Variants in SRGAP3 observed in about 807,000 individuals in gnomAD.
The protein encoded by SRGAP3 is SLIT-ROBO Rho GTPase activating protein 3.
Under a neutral mutation model 121.1 loss-of-function variants are expected in SRGAP3, and 39 were observed. The observed-to-expected ratio is 0.32, with a 90% CI of 0.25 to 0.42. SRGAP3 has a LOEUF of 0.42. Ranked by LOEUF, SRGAP3 falls within the 10% of genes least tolerant of loss-of-function variation. SRGAP3 has a pLI of 1.00. For missense variants in SRGAP3, 1,213 were observed against 1,470.6 expected (o/e 0.82, Z 2.86); for synonymous variants, 601 against 570.0 (o/e 1.05, Z -0.77).
intron 1 of SRGAP3, among the ~76,000 whole-genome samples, chr3:9,246,861 T>C (rs2137216): frequency 0.11 from 16,034 of 152,218 alleles, 947 homozygotes; most frequent in East Asian, 0.21. Flanking sequence ...ACAAGATCAT[T>C]TGGACACATT....
At chr3:9,023,847 G>A (rs1450275882) in intron 14 of SRGAP3, among the ~76,000 whole-genome samples, 1 of 152,142 alleles carries the variant, frequency 6.6e-6, no homozygotes, top group Admixed American at 6.5e-5. Flanking sequence ...CTAGACCCCA[G>A]AAGGCCACTG....
At chr3:9,173,207 T>C (rs370163073) in intron 1 of SRGAP3, among the ~76,000 whole-genome samples, 34 of 152,318 alleles carry the variant, frequency 2.2e-4, no homozygotes, top group African/African-American at 8.2e-4. Flanking sequence ...GCAGGCCGAA[T>C]GGAGCAGCAC....
chr3:9,190,548 G>C (rs1171302379), intron 1 of SRGAP3, among the ~76,000 whole-genome samples: 2 of 152,178 alleles, frequency 1.3e-5, no homozygotes, highest in African/African-American at 4.8e-5. Context: ...AGAAGAGAAA[G>C]AGGCGCCCAT....
At chr3:9,170,473 A>AC (rs1423188837) in intron 1 of SRGAP3, among the ~76,000 whole-genome samples, 2 of 152,016 alleles carry the variant, frequency 1.3e-5, no homozygotes, top group Non-Finnish European at 2.9e-5. Context: ...TGTGACTCAC[A>AC]CTCTCACACA....
intron 1 of SRGAP3, among the ~76,000 whole-genome samples, chr3:9,152,059 C>T (rs965613129): frequency 2.0e-5 from 3 of 152,206 alleles, no homozygotes; most frequent in Non-Finnish European, 2.9e-5. Flanking sequence ...CACAGCTGGG[C>T]CTCCCTGAGT....
chr3:9,007,829 T>C (rs1943157050), intron 18 of SRGAP3: 1 of 152,208 alleles, frequency 6.6e-6, no homozygotes, highest in Non-Finnish European at 1.5e-5. Context: ...AGGTCTCTTT[T>C]TTCTGAGCAC....
intron 18 of SRGAP3, among the ~76,000 whole-genome samples, 178 bp downstream of exon 18, chr3:9,010,130 G>A (rs942452469): frequency 2.0e-5 from 3 of 152,238 alleles, no homozygotes; most frequent in Non-Finnish European, 4.4e-5. Flanking sequence ...TCAGGCCCAT[G>A]CCAGGACTTG....
At chr3:9,170,656 T>G (rs1227963271) in intron 1 of SRGAP3, among the ~76,000 whole-genome samples, 7 of 152,180 alleles carry the variant, frequency 4.6e-5, no homozygotes, top group Non-Finnish European at 1.0e-4. Context: ...TGCAAAATAC[T>G]CCCAGCATAC....
At position 9,331,616 on chromosome 3, in the gene SRGAP3, G is replaced by A. The variant is rs559740276; in HGVS notation, n.215-1020C>T. ...GGTTTTGGAGCTCCTTCTTTCAAGA[G>A]GTATATTCCCCATTCCTCAAATCTG... On this transcript the variant is annotated intron_variant and non_coding_transcript_variant, in intron 1 of 3. Transcript: ENST00000490889. 1.1e-3 allele frequency among the ~76,000 whole-genome samples: 167 copies of A among 152,302 alleles called. 1 individual carries two copies. The highest frequency in any genetic ancestry group is 3.7e-3 in the African/African-American group (154 of 41,564).
At chr3:9,263,364 G>C (rs1954290641) in intron 3 of SRGAP3, among the ~76,000 whole-genome samples, 1 of 151,848 alleles carries the variant, frequency 6.6e-6, no homozygotes, top group South Asian at 2.1e-4. Flanking sequence ...AAATAACTAA[G>C]ATCAGAGCAG....
chr3:9,209,667 G>A (rs1238851696), intron 1 of SRGAP3, among the ~76,000 whole-genome samples: 2 of 152,164 alleles, frequency 1.3e-5, no homozygotes, highest in African/African-American at 4.8e-5. Context: ...ATACAAAGAT[G>A]TATGTACAAA....
At chr3:9,235,075 G>A (rs954231453) in intron 1 of SRGAP3, among the ~76,000 whole-genome samples, 43 of 152,186 alleles carry the variant, frequency 2.8e-4, no homozygotes, top group African/African-American at 9.2e-4. Context: ...ACCTGAGACA[G>A]AAGTGACCAA....
At chr3:9,243,567 A>T (rs973341775) in intron 1 of SRGAP3, among the ~76,000 whole-genome samples, 1 of 151,558 alleles carries the variant, frequency 6.6e-6, no homozygotes, top group Non-Finnish European at 1.5e-5. Context: ...CTCGGGAGGC[A>T]GAGGTTATAG....
chr3:9,068,078 C>G (rs1464028867), intron 4 of SRGAP3, among the ~76,000 whole-genome samples: 1 of 152,198 alleles, frequency 6.6e-6, no homozygotes, highest in Non-Finnish European at 1.5e-5. Context: ...TGCCTCACCA[C>G]CATATTGCTG....
chr3:9,256,739 C>G, intron 3 of SRGAP3: 1 of 397,570 alleles, frequency 2.5e-6, no homozygotes, highest in Non-Finnish European at 4.4e-6. Flanking sequence ...TAAGTTCACA[C>G]ATTAATCTTC....
At chr3:9,221,218 C>G (rs913330379) in intron 1 of SRGAP3, among the ~76,000 whole-genome samples, 1 of 152,206 alleles carries the variant, frequency 6.6e-6, no homozygotes, top group Non-Finnish European at 1.5e-5. Context: ...TGCTTTCCCT[C>G]AACACATTTC....
rs558771305 is a variant in SRGAP3, at chr3:9,165,419, G to A, written c.68-40502C>T. 1.7e-4 allele frequency among the ~76,000 whole-genome samples: 26 copies of A among 152,238 alleles called. No individual in the cohort carries two copies. In the East Asian group the frequency reaches 4.8e-3, roughly 28 times the overall value. On this transcript the variant is annotated intron_variant, in intron 1 of 21. Transcript: ENST00000383836. ...TAACCCCCTCCTTCATCATCCCTGT[G>A]AGCCACAAACCCCACCAAGGCATCA...
In SRGAP3 at chr3:8,996,704, G is replaced by T. The variant is rs183663800; in HGVS notation, c.2228-2181C>A. 4.6e-4 allele frequency among the ~76,000 whole-genome samples: 70 copies of T among 152,168 alleles called. 1 individual carries two copies. Among genetic ancestry groups the T allele is most frequent in the Admixed American group, 3.3e-3 (51 of 15,280 alleles). On this transcript the variant is annotated intron_variant, in intron 18 of 21. Transcript: ENST00000383836. Reference sequence around the variant, plus strand: ...GCATCTTTGAATCTCACATCCGGCCGTGTGCTGGAACTGCCTGCTAGCCCA... The same window carrying T: ...GCATCTTTGAATCTCACATCCGGCCTTGTGCTGGAACTGCCTGCTAGCCCA...
chr3:9,192,238 C>A (rs1951774674), intron 1 of SRGAP3, among the ~76,000 whole-genome samples: 1 of 152,190 alleles, frequency 6.6e-6, no homozygotes, highest in Non-Finnish European at 1.5e-5. Context: ...CTTGGAATAT[C>A]GTGCCTGATG....
Sources: allele counts gnomAD v4.1 joint callset (sites outside exome capture counted in the v4.1 genomes callset), GRCh38; gene constraint gnomAD v4.1.1; transcripts MANE v1.5; gene names NCBI Gene and HGNC (gene_info 2026-07-23, HGNC 2026-07-21).